LMNB1: variants seen among roughly 807,000 people sequenced by gnomAD.
The protein encoded by LMNB1 is lamin B1, also known as lamin-B1.
In LMNB1, 23 loss-of-function variants were observed where a neutral mutation model predicts 67.1. That is an observed-to-expected ratio of 0.34 (90% CI 0.25 to 0.49). The LOEUF (loss-of-function observed/expected upper bound fraction) is 0.49, where lower values mean the gene tolerates loss of function less well. LMNB1 is among the 20% of genes least tolerant of loss of function. The pLI is 0.99. For synonymous variants in LMNB1, 281 were observed against 282.9 expected, an observed-to-expected ratio of 0.99 and a Z score of 0.07; for missense variants, 634 against 746.5, an observed-to-expected ratio of 0.85 and a Z score of 1.76.
At chr5:126,832,868 G>T (rs1752167963) in intron 10 of LMNB1, 67 bp downstream of exon 10, 5 of 1,117,536 alleles carry the variant, frequency 4.5e-6, no homozygotes, top group Non-Finnish European at 6.2e-6. Context: ...AAGACCAAGA[G>T]TGTGGTTGGG....
chr5:126,820,298 G>A (rs983403969), intron 6 of LMNB1, among the ~76,000 whole-genome samples: 5 of 152,168 alleles, frequency 3.3e-5, no homozygotes, highest in Non-Finnish European at 5.9e-5. Flanking sequence ...TGGCTGTGGT[G>A]GGTGGTGGTA....
chr5:126,789,360 G>C (rs553400963), intron 1 of LMNB1, among the ~76,000 whole-genome samples: 8 of 152,240 alleles, frequency 5.3e-5, no homozygotes, highest in African/African-American at 1.9e-4. Context: ...TAAAGACTAA[G>C]ACCCTACTAA....
chr5:126,801,096 G>A (rs542788731), intron 1 of LMNB1, among the ~76,000 whole-genome samples: 3 of 144,254 alleles, frequency 2.1e-5, no homozygotes, highest in African/African-American at 7.8e-5. Context: ...TGATTCTCCC[G>A]CCTCAGCCCC....
At chr5:126,832,090 AC>A (rs964875634) in intron 9 of LMNB1, among the ~76,000 whole-genome samples, 2 of 152,018 alleles carry the variant, frequency 1.3e-5, no homozygotes, top group Admixed American at 1.3e-4. Context: ...ACGTGGCAAA[AC>A]CCCATCTCTA....
At chr5:126,801,528 CT>C (rs1284430896) in intron 1 of LMNB1, among the ~76,000 whole-genome samples, 2 of 152,140 alleles carry the variant, frequency 1.3e-5, no homozygotes, top group African/African-American at 4.8e-5. Flanking sequence ...TTTTTGGCTT[CT>C]TGTGTTTTCT....
At chr5:126,777,982 C>T (rs941548784) in intron 1 of LMNB1, 115 bp downstream of exon 1, 3 of 937,124 alleles carry the variant, frequency 3.2e-6, no homozygotes, top group Admixed American at 7.5e-5. Flanking sequence ...TGCACGCGTC[C>T]TTCTGAAGGA....
chr5:126,798,343 G>A (rs942947896), intron 1 of LMNB1, among the ~76,000 whole-genome samples: 1 of 151,748 alleles, frequency 6.6e-6, no homozygotes, highest in Non-Finnish European at 1.5e-5. Flanking sequence ...CCAGTTACTC[G>A]GGAGGCTGAG....
rs112085842 is a variant in LMNB1, at chr5:126,794,925, C to T, written c.360-9851C>T. Among the ~76,000 whole-genome samples, 425 of 152,148 alleles carry T rather than the reference C, an allele frequency of 2.8e-3. 1 individual carries two copies. Among genetic ancestry groups the T allele is most frequent in the Non-Finnish European group, 3.9e-3 (262 of 67,986 alleles). ...AGGGATAGGTACTGACACAAACTGA[C>T]CAAGAGAATGTTAACAGGTGGGCAA... On this transcript the variant is annotated intron_variant, in intron 1 of 10. Transcript: ENST00000261366.
chr5:126,821,766 G>T lies in LMNB1; in HGVS notation c.1386+631G>T, dbSNP rs575163300. On this transcript the variant is annotated intron_variant, in intron 7 of 10. Coordinates refer to ENST00000261366, the MANE Select transcript of LMNB1 (RefSeq NM_005573.4). ...ATCAAGGAGCTGGAGGCCATGATGGGTTGTGAGATGATACTAGAGGAAGGC... is the reference window on the plus strand; with the variant it reads ...ATCAAGGAGCTGGAGGCCATGATGGTTTGTGAGATGATACTAGAGGAAGGC... Among the ~76,000 whole-genome samples, 93 of 152,316 alleles carry T rather than the reference G, an allele frequency of 6.1e-4. 2 individuals are homozygous for T. The highest frequency in any genetic ancestry group is 2.1e-3 in the African/African-American group (88 of 41,558).
chr5:126,834,270 A>G (rs891045379), intron 10 of LMNB1, among the ~76,000 whole-genome samples: 1 of 151,928 alleles, frequency 6.6e-6, no homozygotes, highest in African/African-American at 2.4e-5. Context: ...CAGTGGCGCA[A>G]TCTCAGCTCA....
intron 5 of LMNB1, among the ~76,000 whole-genome samples, chr5:126,813,814 A>G (rs1390661504): frequency 6.6e-6 from 1 of 152,232 alleles, no homozygotes; most frequent in Non-Finnish European, 1.5e-5. Context: ...TCTTAATATC[A>G]TCACCTTGAG....
chr5:126,777,771 A>T lies in LMNB1; in HGVS notation c.263A>T (p.Asp88Val). The change falls in exon 1 of 11, where the codon GAC (aspartate) becomes GTC (valine). Residue 88 changes from aspartate (D) to valine (V), a missense_variant. Asp to Val is a radical substitution (Grantham distance 152, BLOSUM62 -3). Coordinates refer to ENST00000261366, the MANE Select transcript of LMNB1 (RefSeq NM_005573.4). ...GCGCTCTACGAGACCGAGCTGGCCG[A>T]CGCGCGACGCGCGCTCGACGACACG... is the stretch of plus-strand genomic sequence containing the variant. Reference protein sequence around the residue: ...LKALYETELADARRALDDTAR... With the variant: ...LKALYETELAVARRALDDTAR... The T allele has an allele frequency of 6.6e-7, 1 of 1,513,770 alleles. No homozygotes were observed. Among genetic ancestry groups the T allele is most frequent in the South Asian group, 1.2e-5 (1 of 81,272 alleles). The allele number at this position is 1,513,770 out of a possible 1,614,324, so 93.8% of individuals were successfully genotyped here. A position where few individuals can be genotyped will look rare whatever the true frequency, so the allele number is the denominator to read the frequency against.
chr5:126,801,673 G>A (rs573978171), intron 1 of LMNB1, among the ~76,000 whole-genome samples: 95 of 152,290 alleles, frequency 6.2e-4, no homozygotes, highest in Admixed American at 2.0e-3. Context: ...AAAATATGCC[G>A]ATTTTACAGG....
At position 126,818,907 on chromosome 5, in the gene LMNB1, T is replaced by C; in HGVS notation, c.940-15T>C. 1 of 1,574,098 alleles carries C rather than the reference T, an allele frequency of 6.4e-7. No individual in the cohort carries two copies. The highest frequency in any genetic ancestry group is 8.7e-7 in the Non-Finnish European group (1 of 1,144,354). ...AATGTTCCTAGAAAGTAAATATGTTTCCTTGCATCTTAAGTCTAGAGCATG... is the reference window on the plus strand; with the variant it reads ...AATGTTCCTAGAAAGTAAATATGTTCCCTTGCATCTTAAGTCTAGAGCATG... On this transcript the variant is annotated splice_polypyrimidine_tract_variant and intron_variant, in intron 5 of 10. Coordinates refer to ENST00000261366, the MANE Select transcript of LMNB1 (RefSeq NM_005573.4).
At position 126,777,585 on chromosome 5, in the gene LMNB1, G is replaced by T; in HGVS notation, c.77G>T (p.Arg26Leu). The T allele has an allele frequency of 6.5e-7, 1 of 1,527,466 alleles. No homozygotes were observed. Among genetic ancestry groups the T allele is most frequent in the Non-Finnish European group, 8.8e-7 (1 of 1,137,438 alleles). The allele number at this position is 1,527,466 out of a possible 1,614,324, so 94.6% of individuals were successfully genotyped here. Residue 26 changes from arginine to leucine, a missense_variant, in exon 1 of 11, where the codon CGC becomes CTC. By Grantham distance (102) the Arg-to-Leu change is moderately radical. Coordinates refer to ENST00000261366, the MANE Select transcript of LMNB1 (RefSeq NM_005573.4). The stretch of plus-strand genomic sequence containing the variant: ...CCCACCACGCCGCTGAGCCCCACGC[G>T]CCTGTCGCGGCTCCAGGAGAAGGAG... ...GGPTTPLSPT[R>L]LSRLQEKEEL...
chr5:126,832,692 A>G lies in LMNB1; in HGVS notation c.1612-2A>G. The stretch of plus-strand genomic sequence containing the variant: ...TTTAACTTAAACTACTATTGTTTTT[A>G]GGAGGTTGCTCAAAGAAGTACAGTC... On this transcript the variant is annotated splice_acceptor_variant, in intron 9 of 10. Coordinates refer to ENST00000261366, the MANE Select transcript of LMNB1 (RefSeq NM_005573.4). LOFTEE classifies it high-confidence loss of function. 1 of 1,601,982 alleles carries G rather than the reference A, an allele frequency of 6.2e-7. No individual in the cohort carries two copies. Among genetic ancestry groups the G allele is most frequent in the Non-Finnish European group, 8.5e-7 (1 of 1,169,726 alleles).
chr5:126,819,044 G>T lies in LMNB1; in HGVS notation c.1062G>T (p.Gln354His). The change falls in exon 6 of 11, where the codon CAG becomes CAT. Residue 354 changes from glutamine to histidine, a missense_variant. Coordinates refer to ENST00000261366, the MANE Select transcript of LMNB1 (RefSeq NM_005573.4). ...REMAEIRDQMQQQLNDYEQLL... is the reference protein window; with the variant it reads ...REMAEIRDQMHQQLNDYEQLL... ...TGGCGGAAATAAGGGATCAAATGCA[G>T]CAACAGCTGAATGACTATGAACAGC... is the stretch of plus-strand genomic sequence containing the variant. The T allele has an allele frequency of 6.2e-7, 1 of 1,614,138 alleles. No homozygotes were observed. Among genetic ancestry groups the T allele is most frequent in the Non-Finnish European group, 8.5e-7 (1 of 1,180,008 alleles).
intron 1 of LMNB1, among the ~76,000 whole-genome samples, chr5:126,797,833 C>T (rs1464502937): frequency 6.6e-6 from 1 of 152,088 alleles, no homozygotes; most frequent in Non-Finnish European, 1.5e-5. Context: ...CGCAGCACTT[C>T]GGGAGGCTGA....
At chr5:126,822,612 A>G (rs1751895773) in intron 7 of LMNB1, among the ~76,000 whole-genome samples, 169 bp from the exon 8 acceptor site, 1 of 152,238 alleles carries the variant, frequency 6.6e-6, no homozygotes, top group African/African-American at 2.4e-5. Context: ...TTACTGTTTG[A>G]CAAAATGACA....
Sources: gnomAD v4.1 joint callset for allele counts (sites outside exome capture counted in the v4.1 genomes callset) on GRCh38, gnomAD v4.1.1 for gene constraint, MANE v1.5 for transcripts, NCBI Gene and HGNC (gene_info 2026-07-23, HGNC 2026-07-21) for gene names.